The following RAD54L variants were observed in gnomAD, a reference collection of about 807,000 sequenced individuals.
RAD54L encodes DNA repair and recombination protein RAD54-like.
A neutral mutation model predicts 91.6 loss-of-function variants in RAD54L; 74 were observed. The ratio of observed to expected loss-of-function variants is 0.81; its 90% CI spans 0.67 to 0.98. RAD54L has a LOEUF of 0.98. Ranked by LOEUF, RAD54L falls within the 50% of genes least tolerant of loss-of-function variation. The pLI is 0.00. For missense variants in RAD54L, 887 were observed against 945.7 expected (o/e 0.94, Z 0.81); for synonymous variants, 304 against 349.7 (o/e 0.87, Z 1.46).
In RAD54L at chr1:46,263,139, C is replaced by T. The variant is rs1660176823; in HGVS notation, c.891+1754C>T. On this transcript the variant is annotated intron_variant, in intron 8 of 17. Transcript: ENST00000371975. This position sits in a 1 kb window ranked among gnomAD's most constrained non-coding sequence, Gnocchi z 4.3. Reference sequence around the variant, plus strand: ...AGCAGAGATAAGAAAGTCCATACACCTTGTAGTAGTAGTTTGTGTTGACTT... The same window carrying T: ...AGCAGAGATAAGAAAGTCCATACACTTTGTAGTAGTAGTTTGTGTTGACTT... 6.6e-6 allele frequency among the ~76,000 whole-genome samples: 1 copy of T among 152,054 alleles called. No individual in the cohort carries two copies. Among genetic ancestry groups the T allele is most frequent in the Admixed American group, 6.5e-5 (1 of 15,278 alleles).
chr1:46,274,533 T>C lies in RAD54L; in HGVS notation c.1690-5T>C, dbSNP rs1660537207. On this transcript the variant is annotated splice_polypyrimidine_tract_variant and splice_region_variant and intron_variant, in intron 15 of 17. Coordinates refer to ENST00000371975, the MANE Select transcript of RAD54L (RefSeq NM_003579.4). ...TTCCTTTTCTCCTGTTTCTTCTCTT[T>C]CCAGAGCCCTGACTTTGTCTTCATG... 6.2e-7 allele frequency: 1 copy of C among 1,612,508 alleles called. No individual in the cohort carries two copies. The highest frequency in any genetic ancestry group is 8.5e-7 in the Non-Finnish European group (1 of 1,179,964).
chr1:46,268,509 T>G (rs1217750995), intron 9 of RAD54L, among the ~76,000 whole-genome samples: 1 of 152,184 alleles, frequency 6.6e-6, no homozygotes, highest in Non-Finnish European at 1.5e-5. Flanking sequence ...GATGAATTAC[T>G]AACACTCTCT....
chr1:46,255,772 A>C (rs1659925124), intron 3 of RAD54L, among the ~76,000 whole-genome samples: 3 of 151,984 alleles, frequency 2.0e-5, no homozygotes, highest in African/African-American at 7.3e-5. Flanking sequence ...AAGTGCTGGG[A>C]TTACAGGCGT....
At chr1:46,271,774 A>G (rs1660433434) in intron 10 of RAD54L, among the ~76,000 whole-genome samples, 1 of 152,170 alleles carries the variant, frequency 6.6e-6, no homozygotes, top group Non-Finnish European at 1.5e-5. Context: ...AATTTCATTT[A>G]GCCTGGGGCC....
intron 16 of RAD54L, among the ~76,000 whole-genome samples, chr1:46,276,268 C>A (rs1441165399): frequency 6.6e-6 from 1 of 152,132 alleles, no homozygotes; most frequent in Non-Finnish European, 1.5e-5. Context: ...GCTTCAACCT[C>A]CCACCTCAAC....
At chr1:46,260,131 G>A in intron 5 of RAD54L, 32 bp downstream of exon 5, 1 of 1,613,932 alleles carries the variant, frequency 6.2e-7, no homozygotes. Context: ...AAGCAGTTTT[G>A]GTTCTCTGTA....
intron 8 of RAD54L, among the ~76,000 whole-genome samples, chr1:46,262,414 C>G (rs1660155694): frequency 1.3e-5 from 2 of 151,800 alleles, no homozygotes; most frequent in Non-Finnish European, 2.9e-5. Context: ...CTCAAAAAAA[C>G]AAAATAAAAA....
At chr1:46,248,676 A>ATTT in intron 2 of RAD54L, 78 bp downstream of exon 2, 2 of 1,316,622 alleles carry the variant, frequency 1.5e-6, no homozygotes, top group Non-Finnish European at 2.2e-6. Flanking sequence ...TTCTAGGGTT[A>ATTT]CATAGCCAAT....
intron 3 of RAD54L, among the ~76,000 whole-genome samples, chr1:46,251,819 A>G (rs1326617758): frequency 6.6e-6 from 1 of 152,176 alleles, no homozygotes; most frequent in African/African-American, 2.4e-5. Flanking sequence ...CTGACATGGG[A>G]GGATCACTTG....
intron 16 of RAD54L, 32 bp from the exon 17 acceptor site, chr1:46,277,785 T>C (rs754593957): frequency 1.9e-6 from 3 of 1,573,958 alleles, no homozygotes; most frequent in South Asian, 2.2e-5. Flanking sequence ...AAGCGCTGTA[T>C]CTTTTGACAT....
chr1:46,259,993 A>G lies in RAD54L; in HGVS notation c.301A>G (p.Lys101Glu), dbSNP rs570916043. The G allele has an allele frequency of 4.3e-6, 7 of 1,613,972 alleles. No individual in the cohort carries two copies. Among genetic ancestry groups the G allele is most frequent in the African/African-American group, 4.0e-5 (3 of 74,900 alleles). ...TCTGGGCTCTCGAGCATTGGGCCTGAAAAGGGCTGGGGTCCGCCGGGCCCT... is the reference window on the plus strand; with the variant it reads ...TCTGGGCTCTCGAGCATTGGGCCTGGAAAGGGCTGGGGTCCGCCGGGCCCT... ...GPLGSRALGL[K>E]RAGVRRALHD... is the part of the protein sequence containing the mutation. The change falls in exon 5 of 18, where the codon AAA becomes GAA. Residue 101 changes from lysine to glutamate, a missense_variant. By Grantham distance (56) the Lys-to-Glu change is moderately conservative. Coordinates refer to ENST00000371975, the MANE Select transcript of RAD54L (RefSeq NM_003579.4).
chr1:46,257,302 A>T (rs1659971671), intron 3 of RAD54L, among the ~76,000 whole-genome samples: 2 of 152,058 alleles, frequency 1.3e-5, no homozygotes, highest in South Asian at 4.2e-4. Context: ...TAGAAGGGAC[A>T]TTTTTTCATT....
rs1036024194 is a variant in RAD54L at position 46,251,107 on chromosome 1, A to C, written c.210+988A>C. The stretch of plus-strand genomic sequence containing the variant: ...ATGGATCACCTGAGGTCAGGAGTTC[A>C]AGACCAGCCTGGCCAACATGGTGAA... On this transcript the variant is annotated intron_variant, in intron 3 of 17. Transcript: ENST00000371975. Among the ~76,000 whole-genome samples, 5 of 150,842 alleles carry C rather than the reference A, an allele frequency of 3.3e-5. No homozygotes were observed. The East Asian group carries it at 9.8e-4, about 30-fold the overall frequency.
chr1:46,250,288 G>A (rs1214371678), intron 3 of RAD54L, among the ~76,000 whole-genome samples, 169 bp downstream of exon 3: 1 of 152,162 alleles, frequency 6.6e-6, no homozygotes, highest in Non-Finnish European at 1.5e-5. Context: ...AGAGAGGTGT[G>A]CCTGACTTGT....
In RAD54L at chr1:46,273,742, C is replaced by T. The variant is rs1272119645; in HGVS notation, c.1605C>T (p.Ala535=). 1 of 1,606,056 alleles carries T rather than the reference C, an allele frequency of 6.2e-7. No homozygotes were observed. The highest frequency in any genetic ancestry group is 8.5e-7 in the Non-Finnish European group (1 of 1,175,946). ...ATCTCTTTGAGAAGCTGTGCCGTGC[C>T]CGAAGGTAGGGAAGATCCTAACCAG... is the stretch of plus-strand genomic sequence containing the variant. The part of the protein sequence containing the change: ...TLDLFEKLCR[A]RRYLYVRLDG... Residue 535 remains alanine, a synonymous_variant, in exon 14 of 18, where the codon GCC becomes GCT. Coordinates refer to ENST00000371975, the MANE Select transcript of RAD54L (RefSeq NM_003579.4).
At position 46,258,764 on chromosome 1, in the gene RAD54L, C is replaced by A; in HGVS notation, c.271+18C>A. ...TTATCAAGGTAAAATGGAGGTTTTT[C>A]TGTTTTTGAAATCAGTCATATGTAC... On this transcript the variant is annotated intron_variant, in intron 4 of 17. Transcript: ENST00000371975. The A allele has an allele frequency of 6.4e-7, 1 of 1,566,206 alleles. No homozygotes were observed. Among genetic ancestry groups the A allele is most frequent in the Non-Finnish European group, 8.8e-7 (1 of 1,136,492 alleles).
Position 46,274,563 on chromosome 1 carries a change from G to A in RAD54L, c.1715G>A (p.Ser572Asn), listed in dbSNP as rs1400136561. The A allele has an allele frequency of 1.2e-6, 2 of 1,613,254 alleles. No individual in the cohort carries two copies. Among genetic ancestry groups the A allele is most frequent in the East Asian group, 2.2e-5 (1 of 44,896 alleles). ...AGCCCTGACTTTGTCTTCATGCTGA[G>A]CAGCAAAGCTGGGGGCTGTGGCCTC... is the stretch of plus-strand genomic sequence containing the variant. ...PSSPDFVFMLSSKAGGCGLNL... is the reference protein window; with the variant it reads ...PSSPDFVFMLNSKAGGCGLNL... Residue 572 changes from serine to asparagine, a missense_variant, in exon 16 of 18, where the codon AGC becomes AAC. Transcript: ENST00000371975.
intron 13 of RAD54L, 61 bp downstream of exon 13, chr1:46,273,526 G>A: frequency 3.1e-6 from 5 of 1,608,770 alleles, no homozygotes; most frequent in Middle Eastern, 2.1e-4. Context: ...ATTTTTTTTT[G>A]TGCTAGGGCT....
chr1:46,252,983 G>A (rs114706789), intron 3 of RAD54L, among the ~76,000 whole-genome samples: 2,528 of 152,170 alleles, frequency 0.017, 42 homozygotes, highest in South Asian at 0.023. Flanking sequence ...GAGGTGGGAG[G>A]ATCGTTTGAG....
Sources: gnomAD v4.1 joint callset for allele counts (sites outside exome capture counted in the v4.1 genomes callset) on GRCh38, gnomAD v4.1.1 for gene constraint, Gnocchi (gnomAD v3.1) non-coding constraint, MANE v1.5 for transcripts, NCBI Gene and HGNC (gene_info 2026-07-23, HGNC 2026-07-21) for gene names.